Variants in GRIK4 observed in about 807,000 individuals in gnomAD.
The protein encoded by GRIK4 is glutamate ionotropic receptor kainate type subunit 4.
In GRIK4, 40 loss-of-function variants were observed where a neutral mutation model predicts 104.9. That is an observed-to-expected ratio of 0.38 (90% CI 0.30 to 0.50). The LOEUF (loss-of-function observed/expected upper bound fraction) is 0.50, where lower values mean the gene tolerates loss of function less well. GRIK4 is among the 20% of genes least tolerant of loss of function. The probability of loss-of-function intolerance (pLI) is 0.93; values close to 1 mark genes in which losing one functional copy is unlikely to be tolerated. For missense variants in GRIK4, 1,047 were observed against 1,308.1 expected (o/e 0.80, Z 3.08); for synonymous variants, 485 against 524.9 (o/e 0.92, Z 1.04).
intron 1 of GRIK4, among the ~76,000 whole-genome samples, chr11:120,599,862 A>G (rs1037310999): frequency 5.9e-5 from 9 of 152,224 alleles, no homozygotes; most frequent in Non-Finnish European, 1.2e-4. Context: ...AGTCAAACTC[A>G]GCACAAGGGA....
rs746226328 is a variant in GRIK4, at chr11:120,944,997, T to TA, written c.1590+4550dup. On this transcript the variant is annotated intron_variant, in intron 14 of 20. Transcript: ENST00000527524. The stretch of plus-strand genomic sequence containing the variant: ...TCTATTTGCAGCCTGGGTGTTGGTT[T>TA]AAAAAAAAAAAAAGACAAATGTAAT... Among the ~76,000 whole-genome samples, 829 of 144,944 alleles carry TA rather than the reference T, an allele frequency of 5.7e-3. 3 individuals are homozygous for TA. The highest frequency in any genetic ancestry group is 0.017 in the African/African-American group (659 of 39,694).
intron 3 of GRIK4, among the ~76,000 whole-genome samples, chr11:120,785,200 G>A (rs181162959): frequency 9.3e-4 from 142 of 152,266 alleles, no homozygotes; most frequent in African/African-American, 3.3e-3. Context: ...TTTGTGCAGT[G>A]AGCCATGAGA....
intron 3 of GRIK4, among the ~76,000 whole-genome samples, chr11:120,775,361 G>T (rs983030917): frequency 1.3e-5 from 2 of 152,182 alleles, no homozygotes; most frequent in African/African-American, 4.8e-5. Context: ...GACACAGCTG[G>T]GTTGGGCAGC....
At chr11:120,559,931 G>A (rs1350499381) in intron 1 of GRIK4, among the ~76,000 whole-genome samples, 1 of 152,152 alleles carries the variant, frequency 6.6e-6, no homozygotes, top group African/African-American at 2.4e-5. Context: ...GGTCTCTCTG[G>A]TTTGTTTTGA....
Position 120,962,604 on chromosome 11 carries a change from A to T in GRIK4, c.2189A>T (p.Tyr730Phe). Residue 730 changes from tyrosine (Y) to phenylalanine (F), a missense_variant, in exon 18 of 21, where the codon TAT becomes TTT. This residue lies in a region of GRIK4 where 440 missense variants were observed against 652.3 expected (regional missense o/e 0.67). Coordinates refer to ENST00000527524, the MANE Select transcript of GRIK4 (RefSeq NM_014619.5). ...CTGGAATCCACCATGAACGAGTACTATCGGCAGCGAAACTGCAACCTCACT... is the reference window on the plus strand; with the variant it reads ...CTGGAATCCACCATGAACGAGTACTTTCGGCAGCGAAACTGCAACCTCACT... The part of the protein sequence containing the change: ...FLLESTMNEY[Y>F]RQRNCNLTQI... 1 of 1,614,122 alleles carries T rather than the reference A, an allele frequency of 6.2e-7. No individual in the cohort carries two copies. The highest frequency in any genetic ancestry group is 8.5e-7 in the Non-Finnish European group (1 of 1,180,004).
chr11:120,761,704 G>GA (rs1293959802), intron 3 of GRIK4, among the ~76,000 whole-genome samples: 3 of 152,122 alleles, frequency 2.0e-5, no homozygotes, highest in African/African-American at 7.2e-5. Flanking sequence ...GTTAAGTAGG[G>GA]AATCCTTTTC....
Position 120,513,535 on chromosome 11 carries a change from C to T in GRIK4, c.-159+1648C>T, listed in dbSNP as rs1947686702. On this transcript the variant is annotated intron_variant, in intron 1 of 20. Transcript: ENST00000527524. This position sits in a 1 kb window ranked among gnomAD's most constrained non-coding sequence, Gnocchi z 4.5. ...CTGCAGCTCAGGCTTCATCATTAAT[C>T]AGGTTTATTATTTTTCTCACTGGCC... is the stretch of plus-strand genomic sequence containing the variant. Among the ~76,000 whole-genome samples the T allele has an allele frequency of 6.6e-6, 1 of 152,238 alleles. No individual in the cohort carries two copies.
chr11:120,878,702 C>T (rs981624814), intron 11 of GRIK4, among the ~76,000 whole-genome samples: 3 of 149,790 alleles, frequency 2.0e-5, no homozygotes, highest in Admixed American at 6.7e-5. Context: ...AAAAACTGTG[C>T]GTGATGTATC....
At chr11:120,532,976 A>T (rs1049927746) in intron 1 of GRIK4, among the ~76,000 whole-genome samples, 1 of 152,230 alleles carries the variant, frequency 6.6e-6, no homozygotes, top group Non-Finnish European at 1.5e-5. Context: ...TCCTGAGTTC[A>T]GTACTTAGTG....
chr11:120,601,843 T>C (rs1047007652), intron 1 of GRIK4, among the ~76,000 whole-genome samples: 3 of 152,068 alleles, frequency 2.0e-5, no homozygotes, highest in Admixed American at 2.0e-4. Context: ...TGGTCCAGGC[T>C]GAATGAGAGG....
intron 3 of GRIK4, among the ~76,000 whole-genome samples, chr11:120,698,875 G>A (rs1001190208): frequency 5.9e-5 from 9 of 152,198 alleles, no homozygotes; most frequent in African/African-American, 2.2e-4. Flanking sequence ...TCTATTTTTG[G>A]TGCATTAGAT....
At position 120,939,283 on chromosome 11, in the gene GRIK4, A is replaced by T. The variant is rs1394606318; in HGVS notation, c.1477-1064A>T. 1.3e-5 allele frequency among the ~76,000 whole-genome samples: 2 copies of T among 152,244 alleles called. No individual in the cohort carries two copies. Among genetic ancestry groups the T allele is most frequent in the Non-Finnish European group, 2.9e-5 (2 of 68,042 alleles). On this transcript the variant is annotated intron_variant, in intron 13 of 20. Coordinates refer to ENST00000527524, the MANE Select transcript of GRIK4 (RefSeq NM_014619.5). This position sits in a 1 kb window ranked among gnomAD's most constrained non-coding sequence, Gnocchi z 5.6. ...TCCCAGAAGGGTTTAATTCAGGGCT[A>T]ACTCTCATCAGATGTGGGCACTTGA...
intron 3 of GRIK4, among the ~76,000 whole-genome samples, chr11:120,670,627 G>A (rs1479210085): frequency 6.6e-6 from 1 of 152,330 alleles, no homozygotes; most frequent in East Asian, 1.9e-4. Flanking sequence ...ATGCCATGCA[G>A]GTCATGCCCT....
At chr11:120,875,086 G>T in intron 10 of GRIK4, 53 bp from the exon 11 acceptor site, 1 of 1,126,214 alleles carries the variant, frequency 8.9e-7, no homozygotes, top group Non-Finnish European at 1.4e-6. Context: ...TTGCTTGGGG[G>T]CAAGTGTAAC....
chr11:120,650,357 C>G (rs4935750), intron 1 of GRIK4, among the ~76,000 whole-genome samples: 1 of 152,026 alleles, frequency 6.6e-6, no homozygotes, highest in African/African-American at 2.4e-5. Context: ...AGAGTAGATA[C>G]GCAGAAAAGA....
At chr11:120,909,606 C>A (rs751115565) in intron 13 of GRIK4, among the ~76,000 whole-genome samples, 13 of 152,190 alleles carry the variant, frequency 8.5e-5, no homozygotes, top group Admixed American at 8.5e-4. Context: ...GGCTGCCCAA[C>A]AGTTTCCCCT....
chr11:120,551,565 G>T (rs572673105), intron 1 of GRIK4, among the ~76,000 whole-genome samples: 1 of 152,130 alleles, frequency 6.6e-6, no homozygotes, highest in Non-Finnish European at 1.5e-5. Context: ...CAGATTGCTC[G>T]ATACCAGGAG....
intron 3 of GRIK4, among the ~76,000 whole-genome samples, chr11:120,771,381 A>G (rs77434190): frequency 0.026 from 3,896 of 152,286 alleles, 149 homozygotes; most frequent in African/African-American, 0.089. Context: ...GTGTTCTAAT[A>G]TTGTAATATA....
chr11:120,741,188 T>C (rs1226522032), intron 3 of GRIK4, among the ~76,000 whole-genome samples: 2 of 152,058 alleles, frequency 1.3e-5, no homozygotes, highest in Admixed American at 1.3e-4. Flanking sequence ...CACTTTACAA[T>C]TGAGGAATTA....
Sources: allele counts gnomAD v4.1 joint callset (sites outside exome capture counted in the v4.1 genomes callset), GRCh38; gene constraint gnomAD v4.1.1; regional missense constraint gnomAD v4.1.1; non-coding constraint Gnocchi (gnomAD v3.1); transcripts MANE v1.5; gene names NCBI Gene and HGNC (gene_info 2026-07-23, HGNC 2026-07-21).